ROR1: variants seen among roughly 807,000 people sequenced by gnomAD.
The protein encoded by ROR1 is inactive tyrosine-protein kinase transmembrane receptor ROR1.
A neutral mutation model predicts 78.8 loss-of-function variants in ROR1; 19 were observed. The ratio of observed to expected loss-of-function variants is 0.24; its 90% CI spans 0.17 to 0.35. The LOEUF (loss-of-function observed/expected upper bound fraction) is 0.35, where lower values mean the gene tolerates loss of function less well. ROR1 is among the 10% of genes least tolerant of loss of function. The pLI is 1.00. For synonymous variants in ROR1, 386 were observed against 433.6 expected, an observed-to-expected ratio of 0.89 and a Z score of 1.36; for missense variants, 917 against 1,177.8, an observed-to-expected ratio of 0.78 and a Z score of 3.24.
chr1:63,954,872 C>T (rs1370048338), intron 1 of ROR1, among the ~76,000 whole-genome samples: 2 of 151,978 alleles, frequency 1.3e-5, no homozygotes, highest in African/African-American at 4.8e-5. Flanking sequence ...CCCAAGATAC[C>T]AAGGGACGAC....
At chr1:63,945,842 A>G (rs913254764) in intron 1 of ROR1, among the ~76,000 whole-genome samples, 2 of 152,232 alleles carry the variant, frequency 1.3e-5, no homozygotes, top group African/African-American at 2.4e-5. Flanking sequence ...TAGCAAAAAT[A>G]CAAGAAGGTG....
In ROR1 at chr1:64,136,023, G is replaced by A. The variant is rs186882998; in HGVS notation, c.483-1346G>A. Among the ~76,000 whole-genome samples, 574 of 152,240 alleles carry A rather than the reference G, an allele frequency of 3.8e-3. 3 individuals are homozygous for A. The highest frequency in any genetic ancestry group is 0.013 in the African/African-American group (530 of 41,536). On this transcript the variant is annotated intron_variant, in intron 4 of 8. Transcript: ENST00000371079. ...GGAAGTGAGCACCACAGCACTAACC[G>A]CAGTGCCTCTTACGATGTGGGAGCT... is the stretch of plus-strand genomic sequence containing the variant.
At chr1:64,117,375 A>T (rs1235484768) in intron 4 of ROR1, among the ~76,000 whole-genome samples, 1 of 152,184 alleles carries the variant, frequency 6.6e-6, no homozygotes, top group Non-Finnish European at 1.5e-5. Context: ...CCCACTTTGT[A>T]ATGTTATTCA....
intron 1 of ROR1, among the ~76,000 whole-genome samples, chr1:63,856,629 C>G (rs891942694): frequency 6.6e-6 from 1 of 152,182 alleles, no homozygotes; most frequent in Non-Finnish European, 1.5e-5. Flanking sequence ...TGAGTTCTCC[C>G]TTTCCTCCAG....
intron 1 of ROR1, among the ~76,000 whole-genome samples, chr1:63,780,351 C>A (rs140195099): frequency 1.4e-4 from 22 of 152,186 alleles, no homozygotes; most frequent in African/African-American, 5.3e-4. Flanking sequence ...TGAATTGGGG[C>A]TTTGTTGCCT....
chr1:64,135,370 AGG>A (rs1411519391), intron 4 of ROR1, among the ~76,000 whole-genome samples: 1 of 152,174 alleles, frequency 6.6e-6, no homozygotes, highest in African/African-American at 2.4e-5. Flanking sequence ...GGGTAATTCC[AGG>A]GTTTTGTCCT....
chr1:63,860,764 G>C (rs1645176117), intron 1 of ROR1, among the ~76,000 whole-genome samples: 3 of 131,246 alleles, frequency 2.3e-5, no homozygotes, highest in Non-Finnish European at 4.6e-5. Context: ...GCAAGAGTCT[G>C]TCTCGGGGAA....
chr1:63,781,876 G>A (rs900727390), intron 1 of ROR1, among the ~76,000 whole-genome samples: 9 of 152,174 alleles, frequency 5.9e-5, no homozygotes, highest in Non-Finnish European at 1.0e-4. Flanking sequence ...CCAAATGAAA[G>A]GGAAGACACC....
intron 1 of ROR1, among the ~76,000 whole-genome samples, chr1:63,939,798 C>T (rs975657507): frequency 7.9e-5 from 12 of 152,078 alleles, no homozygotes; most frequent in South Asian, 2.1e-4. Flanking sequence ...CTTTCCTGCA[C>T]GTTTTGAGTT....
intron 1 of ROR1, among the ~76,000 whole-genome samples, chr1:63,875,771 C>T (rs916256876): frequency 6.6e-6 from 1 of 152,098 alleles, no homozygotes; most frequent in African/African-American, 2.4e-5. Context: ...AAATAGGCTT[C>T]CTTGATCACT....
At chr1:63,954,531 CA>C (rs1267918994) in intron 1 of ROR1, among the ~76,000 whole-genome samples, 3 of 152,188 alleles carry the variant, frequency 2.0e-5, no homozygotes, top group Non-Finnish European at 4.4e-5. Context: ...TGGATGAGAA[CA>C]TGGAGAAAAA....
chr1:64,043,515 A>G (rs567132651), intron 2 of ROR1, among the ~76,000 whole-genome samples: 1 of 152,330 alleles, frequency 6.6e-6, no homozygotes, highest in South Asian at 2.1e-4. Flanking sequence ...ACTGTATTTA[A>G]AAAGCTCATT....
intron 7 of ROR1, 148 bp downstream of exon 7, chr1:64,142,798 G>A (rs965742450): frequency 7.6e-6 from 11 of 1,444,908 alleles, no homozygotes; most frequent in Middle Eastern, 2.2e-4. Context: ...AAACCTTGCC[G>A]TTTCTACATA....
intron 4 of ROR1, among the ~76,000 whole-genome samples, chr1:64,051,126 C>A (rs1376813412): frequency 2.0e-5 from 3 of 152,104 alleles, no homozygotes; most frequent in Non-Finnish European, 2.9e-5. Context: ...TAGGTAATCA[C>A]TTTATTTTTT....
chr1:63,846,230 C>A (rs1413432870), intron 1 of ROR1, among the ~76,000 whole-genome samples: 1 of 151,004 alleles, frequency 6.6e-6, no homozygotes, highest in South Asian at 2.1e-4. Flanking sequence ...AGGTGGCCTA[C>A]CCCTCACATC....
At chr1:63,851,383 G>A (rs940219781) in intron 1 of ROR1, among the ~76,000 whole-genome samples, 2 of 152,132 alleles carry the variant, frequency 1.3e-5, no homozygotes, top group Admixed American at 6.5e-5. Flanking sequence ...TCTAAGTGGC[G>A]TTGACCCTTG....
intron 8 of ROR1, among the ~76,000 whole-genome samples, chr1:64,173,355 T>C (rs1193632168): frequency 6.6e-6 from 1 of 152,168 alleles, no homozygotes; most frequent in Non-Finnish European, 1.5e-5. Flanking sequence ...AAGATACACT[T>C]TGGGGTAAAA....
chr1:63,782,114 A>G (rs1490703419), intron 1 of ROR1, among the ~76,000 whole-genome samples: 3 of 152,188 alleles, frequency 2.0e-5, no homozygotes, highest in African/African-American at 7.2e-5. Context: ...ATATTCTGAT[A>G]GTCTCACTGG....
chr1:63,985,529 C>T (rs1161203404), intron 1 of ROR1, among the ~76,000 whole-genome samples: 1 of 152,034 alleles, frequency 6.6e-6, no homozygotes, highest in Non-Finnish European at 1.5e-5. Context: ...AAATTCCACA[C>T]CTGACCTCAT....
Sources: allele counts gnomAD v4.1 joint callset (sites outside exome capture counted in the v4.1 genomes callset), GRCh38; gene constraint gnomAD v4.1.1; transcripts MANE v1.5; gene names NCBI Gene and HGNC (gene_info 2026-07-23, HGNC 2026-07-21).